PEBP4: variants seen among roughly 807,000 people sequenced by gnomAD.
The protein encoded by PEBP4 is phosphatidylethanolamine-binding protein 4.
In PEBP4, 22 loss-of-function variants were observed where a neutral mutation model predicts 23.9. The observed-to-expected ratio is 0.92, with a 90% CI of 0.66 to 1.31. The LOEUF is 1.31. PEBP4 is among the 40% of genes most tolerant of loss of function. The pLI is 0.00. For missense variants in PEBP4, 324 were observed against 281.7 expected (o/e 1.15, Z -1.07); for synonymous variants, 112 against 99.3 (o/e 1.13, Z -0.76).
intron 4 of PEBP4, among the ~76,000 whole-genome samples, chr8:22,795,376 C>T (rs111551417): frequency 2.3e-3 from 348 of 151,506 alleles, no homozygotes; most frequent in African/African-American, 7.9e-3. Flanking sequence ...GGGGTTTCAC[C>T]GTGTTAGCCA....
intron 1 of PEBP4, among the ~76,000 whole-genome samples, chr8:22,940,452 T>TG (rs1377515274): frequency 1.3e-5 from 2 of 150,702 alleles, no homozygotes; most frequent in Non-Finnish European, 2.9e-5. Flanking sequence ...CACGCTAGAG[T>TG]GAAAAAATTG....
chr8:22,935,464 T>G (rs1296125184), intron 1 of PEBP4, among the ~76,000 whole-genome samples: 1 of 152,186 alleles, frequency 6.6e-6, no homozygotes, highest in Admixed American at 6.5e-5. Context: ...AGGCAGAGGT[T>G]GCAGTGAGCT....
At chr8:22,848,653 G>T (rs1179419308) in intron 3 of PEBP4, among the ~76,000 whole-genome samples, 1 of 152,164 alleles carries the variant, frequency 6.6e-6, no homozygotes, top group Admixed American at 6.5e-5. Context: ...AAAGAGGCAG[G>T]TGGGAGGGAG....
chr8:22,850,557 G>A lies in PEBP4; in HGVS notation c.259-32822C>T, dbSNP rs192589191. Among the ~76,000 whole-genome samples, 908 of 128,816 alleles carry A rather than the reference G, an allele frequency of 7.0e-3. 2 individuals are homozygous for A. The highest frequency in any genetic ancestry group is 0.026 in the African/African-American group (852 of 33,066). The allele number at this position is 128,816 out of a possible 152,430, so 84.5% of individuals were successfully genotyped here. A position where few individuals can be genotyped will look rare whatever the true frequency, so the allele number is the denominator to read the frequency against. On this transcript the variant is annotated intron_variant, in intron 3 of 6. Coordinates refer to ENST00000256404, the MANE Select transcript of PEBP4 (RefSeq NM_144962.3). ...GTCTGAAAACATCTCCATGGCAAGC[G>A]TGTGTGTGTGTGTGTGTCTGTGTGT...
chr8:22,766,172 G>A (rs979392054), intron 4 of PEBP4, among the ~76,000 whole-genome samples: 13 of 152,210 alleles, frequency 8.5e-5, no homozygotes, highest in African/African-American at 1.4e-4. Flanking sequence ...GTCTTGTCAC[G>A]GTGAGGCCAT....
At chr8:22,912,206 C>T (rs578239999) in intron 3 of PEBP4, among the ~76,000 whole-genome samples, 2 of 152,268 alleles carry the variant, frequency 1.3e-5, no homozygotes, top group East Asian at 3.9e-4. Context: ...AGCACGTGGC[C>T]GTTCTGTTAA....
At chr8:22,889,239 C>T (rs1226665047) in intron 3 of PEBP4, among the ~76,000 whole-genome samples, 2 of 152,142 alleles carry the variant, frequency 1.3e-5, no homozygotes, top group Admixed American at 6.5e-5. Flanking sequence ...GAAATCAGAG[C>T]TCGGGAGAGA....
intron 3 of PEBP4, among the ~76,000 whole-genome samples, chr8:22,871,928 T>A (rs1167859481): frequency 1.3e-5 from 2 of 152,056 alleles, no homozygotes; most frequent in Non-Finnish European, 2.9e-5. Flanking sequence ...TATCCCTCAC[T>A]CCCAACCTCC....
chr8:22,855,849 T>C (rs943860365), intron 3 of PEBP4, among the ~76,000 whole-genome samples: 1 of 151,842 alleles, frequency 6.6e-6, no homozygotes, highest in Non-Finnish European at 1.5e-5. Context: ...GAAACCAGCC[T>C]AGACAACAAA....
intron 3 of PEBP4, among the ~76,000 whole-genome samples, chr8:22,850,201 GTTC>G (rs1308273491): frequency 6.6e-6 from 1 of 152,072 alleles, no homozygotes; most frequent in Non-Finnish European, 1.5e-5. Context: ...GATGATTCTT[GTTC>G]TTCTTCTTAC....
intron 4 of PEBP4, among the ~76,000 whole-genome samples, chr8:22,746,748 C>A (rs995041866): frequency 6.6e-6 from 1 of 152,176 alleles, no homozygotes; most frequent in Non-Finnish European, 1.5e-5. Context: ...CCCTCCAGAT[C>A]GGTGCTGTCC....
Position 22,724,841 on chromosome 8 carries a change from A to T in PEBP4, c.517+2T>A. On this transcript the variant is annotated splice_donor_variant, in intron 6 of 6. Transcript: ENST00000256404. LOFTEE classifies it high-confidence loss of function. Reference sequence around the variant, plus strand: ...GTGGCTGGAAGGATGGGGAGGTCTTACCTCGAGTTTTGTTTTCCTTGGGAA... The same window carrying T: ...GTGGCTGGAAGGATGGGGAGGTCTTTCCTCGAGTTTTGTTTTCCTTGGGAA... 6.2e-7 allele frequency: 1 copy of T among 1,607,982 alleles called. No individual in the cohort carries two copies. Among genetic ancestry groups the T allele is most frequent in the Non-Finnish European group, 8.5e-7 (1 of 1,174,554 alleles).
At chr8:22,914,380 C>A (rs978040833) in intron 3 of PEBP4, among the ~76,000 whole-genome samples, 2 of 152,148 alleles carry the variant, frequency 1.3e-5, no homozygotes, top group Non-Finnish European at 2.9e-5. Context: ...AGAGATGTGA[C>A]CCACTTCGTA....
Position 22,854,611 on chromosome 8 carries a change from G to A in PEBP4, c.259-36876C>T, listed in dbSNP as rs564376077. Among the ~76,000 whole-genome samples the A allele has an allele frequency of 8.6e-5, 13 of 152,038 alleles. No individual in the cohort carries two copies. In the South Asian group the frequency reaches 1.0e-3, roughly 12 times the overall value. On this transcript the variant is annotated intron_variant, in intron 3 of 6. Coordinates refer to ENST00000256404, the MANE Select transcript of PEBP4 (RefSeq NM_144962.3). The stretch of plus-strand genomic sequence containing the variant: ...AAAGGAGTTAATGTCTTTTCTCCCC[G>A]TCTTCACTTAGGGAATTTGAATTCT...
chr8:22,849,972 A>C (rs1396285230), intron 3 of PEBP4, among the ~76,000 whole-genome samples: 1 of 152,116 alleles, frequency 6.6e-6, no homozygotes, highest in South Asian at 2.1e-4. Flanking sequence ...AGAAATAGTG[A>C]TCAAATTAGG....
chr8:22,880,523 T>G (rs1808228175), intron 3 of PEBP4: 1 of 151,666 alleles, frequency 6.6e-6, no homozygotes, highest in African/African-American at 2.4e-5. Context: ...CAGCTGTTGG[T>G]GTACGTGTTT....
At chr8:22,739,802 C>T (rs529671504) in intron 4 of PEBP4, among the ~76,000 whole-genome samples, 53 of 152,230 alleles carry the variant, frequency 3.5e-4, no homozygotes, top group Non-Finnish European at 3.5e-4. Context: ...CTACTGCCAA[C>T]GAGAAGATGG....
At chr8:22,905,844 C>G (rs1808800281) in intron 3 of PEBP4, among the ~76,000 whole-genome samples, 1 of 152,184 alleles carries the variant, frequency 6.6e-6, no homozygotes, top group Non-Finnish European at 1.5e-5. Context: ...CGATAACATA[C>G]TGAAAAAGGT....
intron 4 of PEBP4, among the ~76,000 whole-genome samples, chr8:22,796,259 T>C (rs1384647677): frequency 3.2e-5 from 1 of 31,310 alleles, no homozygotes; most frequent in Non-Finnish European, 8.4e-5. Context: ...CAAGTGTGCG[T>C]GTGTGTGTGT....
Sources: gnomAD v4.1 joint callset for allele counts (sites outside exome capture counted in the v4.1 genomes callset) on GRCh38, gnomAD v4.1.1 for gene constraint, MANE v1.5 for transcripts, NCBI Gene and HGNC (gene_info 2026-07-23, HGNC 2026-07-21) for gene names.